PCSK6: variants seen among roughly 807,000 people sequenced by gnomAD.
PCSK6 encodes paired basic amino acid cleaving enzyme 4.
In PCSK6, 85 loss-of-function variants were observed where a neutral mutation model predicts 123.3. The observed-to-expected ratio is 0.69, with a 90% CI of 0.58 to 0.83. PCSK6 has a LOEUF of 0.83. Among genes scored for constraint, PCSK6 ranks in the 40% least tolerant of loss-of-function variants. The probability of loss-of-function intolerance (pLI) is 0.00; values close to 1 mark genes in which losing one functional copy is unlikely to be tolerated. For missense variants in PCSK6, 1,191 were observed against 1,282.3 expected (o/e 0.93, Z 1.09); for synonymous variants, 508 against 516.0 (o/e 0.98, Z 0.21).
rs542872649 is a variant in PCSK6 at position 101,478,045 on chromosome 15, T to C, written c.297+11329A>G. 2.1e-4 allele frequency among the ~76,000 whole-genome samples: 32 copies of C among 152,248 alleles called. 1 individual carries two copies. Among genetic ancestry groups the C allele is most frequent in the African/African-American group, 7.2e-4 (30 of 41,550 alleles). ...ACTGCACCCCTCTGCCCTAGCCACT[T>C]AGAAAGCCCCAAGCCAAGCTCCGTG... is the stretch of plus-strand genomic sequence containing the variant. On this transcript the variant is annotated intron_variant, in intron 1 of 21. Coordinates refer to ENST00000611716, the MANE Select transcript of PCSK6 (RefSeq NM_002570.5).
At chr15:101,456,184 A>G (rs2057172923) in intron 1 of PCSK6, among the ~76,000 whole-genome samples, 1 of 152,220 alleles carries the variant, frequency 6.6e-6, no homozygotes, top group African/African-American at 2.4e-5. Context: ...GAAGGAGGGT[A>G]AGAGAAGACA....
intron 1 of PCSK6, among the ~76,000 whole-genome samples, chr15:101,464,248 C>T (rs577121119): frequency 1.7e-4 from 26 of 152,232 alleles, no homozygotes; most frequent in Admixed American, 4.6e-4. Context: ...AGGCAGACCC[C>T]AAGGCACAGG....
Position 101,486,634 on chromosome 15 carries a change from G to A in PCSK6, c.297+2740C>T, listed in dbSNP as rs117476149. On this transcript the variant is annotated intron_variant, in intron 1 of 21. Coordinates refer to ENST00000611716, the MANE Select transcript of PCSK6 (RefSeq NM_002570.5). ...TATTTTACAATGGAGAGGATCCACA[G>A]CCTTTATCAGGTGCTGAAAGGGAGC... Among the ~76,000 whole-genome samples, 625 of 152,324 alleles carry A rather than the reference G, an allele frequency of 4.1e-3. 11 individuals carry two copies. The highest frequency in any genetic ancestry group is 0.022 in the East Asian group (116 of 5,192).
chr15:101,305,121 A>T lies in PCSK6; in HGVS notation c.*137T>A. The T allele has an allele frequency of 2.8e-6, 2 of 704,150 alleles. No individual in the cohort carries two copies. Among genetic ancestry groups the T allele is most frequent in the Non-Finnish European group, 4.8e-6 (2 of 414,516 alleles). The allele number at this position is 704,150 out of a possible 1,614,324, so 43.6% of individuals were successfully genotyped here. On this transcript the variant is annotated 3_prime_UTR_variant, in exon 22 of 22. Coordinates refer to ENST00000611716, the MANE Select transcript of PCSK6 (RefSeq NM_002570.5). This position sits in a 1 kb window ranked among gnomAD's most constrained non-coding sequence, Gnocchi z 4.8. ...CACCACCCACCTGGCTTGGGTGCTC[A>T]GAGATGCTGCTCCTGGGGAGATAAA...
intron 16 of PCSK6, 104 bp downstream of exon 16, chr15:101,326,273 G>A: frequency 3.7e-6 from 3 of 811,272 alleles, no homozygotes; most frequent in Non-Finnish European, 6.0e-6. Context: ...TTGTTTGGGG[G>A]TGCTACGTTA....
At position 101,391,922 on chromosome 15, in the gene PCSK6, A is replaced by G. The variant is rs185510098; in HGVS notation, c.1209+1290T>C. On this transcript the variant is annotated intron_variant, in intron 8 of 21. Coordinates refer to ENST00000611716, the MANE Select transcript of PCSK6 (RefSeq NM_002570.5). ...ATTATTGCTCAGGGAAGAGAATTTTAAAATAAGAAAGAAAAAGCATTTTAT... is the reference window on the plus strand; with the variant it reads ...ATTATTGCTCAGGGAAGAGAATTTTGAAATAAGAAAGAAAAAGCATTTTAT... 9.2e-5 allele frequency among the ~76,000 whole-genome samples: 14 copies of G among 152,334 alleles called. No individual in the cohort carries two copies. In the East Asian group the frequency reaches 1.7e-3, roughly 19 times the overall value.
chr15:101,446,838 C>T (rs2056902952), intron 1 of PCSK6, among the ~76,000 whole-genome samples: 2 of 152,178 alleles, frequency 1.3e-5, no homozygotes, highest in East Asian at 3.8e-4. Flanking sequence ...CTCATTGAGT[C>T]TCTGAGACGT....
At chr15:101,489,315 C>A (rs1260861771) in intron 1 of PCSK6, 59 bp downstream of exon 1, 2 of 1,062,078 alleles carry the variant, frequency 1.9e-6, no homozygotes, top group African/African-American at 1.7e-5. Flanking sequence ...AGGCGCCCCC[C>A]TCGCGCGCGC....
rs1358786090 is a variant in PCSK6, at chr15:101,432,017, G to C, written c.486C>G (p.Asp162Glu). 6.2e-7 allele frequency: 1 copy of C among 1,613,322 alleles called. No individual in the cohort carries two copies. The highest frequency in any genetic ancestry group is 8.5e-7 in the Non-Finnish European group (1 of 1,179,688). The change falls in exon 3 of 22, where the codon GAC (aspartate) becomes GAG (glutamate). Residue 162 changes from aspartate (D) to glutamate (E), a missense_variant. Asp to Glu is a conservative substitution (Grantham distance 45). Transcript: ENST00000611716. ...GGTACCACATGTTGGACCAAATGGG[G>C]TCGTTGAAGTAAAGGGCCTGCGGGT... The part of the protein sequence containing the change: ...RSDPQALYFN[D>E]PIWSNMWYLH...
At chr15:101,440,941 T>C (rs992744776) in intron 2 of PCSK6, among the ~76,000 whole-genome samples, 4 of 152,194 alleles carry the variant, frequency 2.6e-5, no homozygotes, top group African/African-American at 9.7e-5. Context: ...TCTGAATTCA[T>C]AATCGGTTCA....
intron 17 of PCSK6, among the ~76,000 whole-genome samples, chr15:101,322,950 TG>T (rs1343397289): frequency 6.6e-6 from 1 of 152,000 alleles, no homozygotes; most frequent in South Asian, 2.1e-4. Context: ...TGTGGGCAGG[TG>T]GGGGGTGGAG....
rs186864036 is a variant in PCSK6 at position 101,373,484 on chromosome 15, C to T, written c.1533-2961G>A. ...GCTACTATAGGAGGGCACGCTGCCACCTTCCTGACATGCAGTTAGCTCCCC... is the reference window on the plus strand; with the variant it reads ...GCTACTATAGGAGGGCACGCTGCCATCTTCCTGACATGCAGTTAGCTCCCC... On this transcript the variant is annotated intron_variant, in intron 11 of 21. Transcript: ENST00000611716. 2.0e-5 allele frequency among the ~76,000 whole-genome samples: 3 copies of T among 152,328 alleles called. No individual in the cohort carries two copies. The East Asian group carries it at 5.8e-4, about 29-fold the overall frequency.
chr15:101,411,516 T>G (rs566075750), intron 6 of PCSK6, among the ~76,000 whole-genome samples: 1 of 152,152 alleles, frequency 6.6e-6, no homozygotes, highest in Non-Finnish European at 1.5e-5. Context: ...CATGGGGATC[T>G]GTGAGCACAT....
intron 11 of PCSK6, among the ~76,000 whole-genome samples, chr15:101,372,369 T>C (rs1206978249): frequency 2.0e-5 from 3 of 152,162 alleles, no homozygotes; most frequent in Middle Eastern, 3.2e-3. Context: ...CCCTGAGTCA[T>C]AAAAAACAAT....
intron 1 of PCSK6, among the ~76,000 whole-genome samples, chr15:101,454,977 AATG>A (rs77775886): frequency 0.01 from 1,577 of 151,366 alleles, 26 homozygotes; most frequent in Non-Finnish European, 0.012. Flanking sequence ...TGAATGAATG[AATG>A]AATAAATAAA....
intron 8 of PCSK6, among the ~76,000 whole-genome samples, chr15:101,391,258 C>A (rs8041244): frequency 0.072 from 10,889 of 152,236 alleles, 552 homozygotes; most frequent in African/African-American, 0.14. Flanking sequence ...CAGGGGTTCT[C>A]GGCAGATCAC....
chr15:101,410,138 G>T (rs2042904324), intron 6 of PCSK6, among the ~76,000 whole-genome samples: 1 of 152,218 alleles, frequency 6.6e-6, no homozygotes, highest in Non-Finnish European at 1.5e-5. Context: ...TCACTATGTT[G>T]TTGAGGCTGG....
At chr15:101,489,333 C>G (rs972640106) in intron 1 of PCSK6, 41 bp downstream of exon 1, 1 of 1,107,050 alleles carries the variant, frequency 9.0e-7, no homozygotes. Context: ...CGCCGGAGGC[C>G]GCCGGGAAAG....
At position 101,394,137 on chromosome 15, in the gene PCSK6, G is replaced by GTTTTTTT. The variant is rs1444048837; in HGVS notation, c.997-714_997-713insAAAAAAA. ...GTGTAGGTTTTCTTTCCGTTTTTTT[G>GTTTTTTT]TTTTTTGTTTTTTTTTTTTTGAGAC... On this transcript the variant is annotated intron_variant, in intron 7 of 21. Transcript: ENST00000611716. Among the ~76,000 whole-genome samples the GTTTTTTT allele has an allele frequency of 7.8e-5, 7 of 89,572 alleles. 1 individual carries two copies. The highest frequency in any genetic ancestry group is 9.1e-5 in the African/African-American group (2 of 21,960). 58.8% of individuals were successfully genotyped at this position (89,572 alleles called of 152,430 possible).
Sources: gnomAD v4.1 joint callset for allele counts (sites outside exome capture counted in the v4.1 genomes callset) on GRCh38, gnomAD v4.1.1 for gene constraint, Gnocchi (gnomAD v3.1) non-coding constraint, MANE v1.5 for transcripts, NCBI Gene and HGNC (gene_info 2026-07-23, HGNC 2026-07-21) for gene names.